Variants in TMEM25 observed in about 807,000 individuals in gnomAD.
TMEM25 encodes 0610039J01Rik.
Under a neutral mutation model 37.0 loss-of-function variants are expected in TMEM25, and 36 were observed. That is an observed-to-expected ratio of 0.97 (90% CI 0.75 to 1.28). TMEM25 has a LOEUF of 1.28. TMEM25 is among the 50% of genes most tolerant of loss of function. TMEM25 has a pLI of 0.00. For synonymous variants in TMEM25, 197 were observed against 203.7 expected (o/e 0.97, Z 0.28); for missense variants, 444 against 477.9 (o/e 0.93, Z 0.66).
chr11:118,544,005 C>T (rs1951618925), intron 8 of TMEM25, among the ~76,000 whole-genome samples: 1 of 151,884 alleles, frequency 6.6e-6, no homozygotes, highest in Non-Finnish European at 1.5e-5. Flanking sequence ...TGGGGTTTCA[C>T]CATATTATTG....
chr11:118,531,716 G>T (rs1439944750), intron 1 of TMEM25, 59 bp from the exon 2 acceptor site: 1 of 1,241,636 alleles, frequency 8.1e-7, no homozygotes, highest in Non-Finnish European at 1.1e-6. Flanking sequence ...TAAATTCCTG[G>T]AGCAATTGCT....
At chr11:118,542,729 A>G (rs140498127) in intron 8 of TMEM25, among the ~76,000 whole-genome samples, 2,005 of 152,028 alleles carry the variant, frequency 0.013, 50 homozygotes, top group African/African-American at 0.046. Flanking sequence ...CCTGGGCAAC[A>G]TGGTGAAACC....
At chr11:118,531,671 C>A in intron 1 of TMEM25, 104 bp from the exon 2 acceptor site, 1 of 929,774 alleles carries the variant, frequency 1.1e-6, no homozygotes, top group Non-Finnish European at 1.6e-6. Context: ...TCTACATTTG[C>A]GTTTCCGTAC....
chr11:118,538,153 T>C (rs1951534712), downstream of TMEM25, among the ~76,000 whole-genome samples: 1 of 152,168 alleles, frequency 6.6e-6, no homozygotes, highest in South Asian at 2.1e-4. Context: ...CTCATCCTCA[T>C]CAATATCTGT....
rs1951361718 is a variant in TMEM25, at chr11:118,532,964, G to T, written c.430G>T (p.Gly144Cys). ...CGGCGCCAAGTACCAGGAAGCTCAG[G>T]GCCCAGGCCTCCTGGTTGTCCTGTT... ...QVGAKYQEAQ[G>C]PGLLVVLFAL... Residue 144 changes from glycine to cysteine, a missense_variant, in exon 4 of 9, where the codon GGC (glycine) becomes TGC (cysteine). By Grantham distance (159) the Gly-to-Cys change is radical. Transcript: ENST00000313236. The T allele has an allele frequency of 6.2e-7, 1 of 1,614,198 alleles. No individual in the cohort carries two copies.
chr11:118,544,885 T>C (rs1397199530), intron 8 of TMEM25: 13 of 1,515,246 alleles, frequency 8.6e-6, no homozygotes, highest in Non-Finnish European at 1.2e-5. Flanking sequence ...AGGGGCCAGC[T>C]CAGCCTTGAA....
Position 118,534,970 on chromosome 11 carries a change from G to A in TMEM25, c.*390G>A. On this transcript the variant is annotated 3_prime_UTR_variant, in exon 9 of 9. Transcript: ENST00000313236. This position sits in a 1 kb window ranked among gnomAD's most constrained non-coding sequence, Gnocchi z 4.6. Reference sequence around the variant, plus strand: ...CAGCACCTTGTACAGTAGGCATGGGGGCGTGCCTGTGTGGGGGACAGGGAG... The same window carrying A: ...CAGCACCTTGTACAGTAGGCATGGGAGCGTGCCTGTGTGGGGGACAGGGAG... The A allele has an allele frequency of 9.4e-7, 1 of 1,061,976 alleles. No homozygotes were observed. The highest frequency in any genetic ancestry group is 1.1e-6 in the Non-Finnish European group (1 of 877,992). 65.8% of individuals were successfully genotyped at this position (1,061,976 alleles called of 1,614,324 possible). A position where few individuals can be genotyped will look rare whatever the true frequency, so the allele number is the denominator to read the frequency against.
chr11:118,531,598 C>T, intron 1 of TMEM25, 177 bp from the exon 2 acceptor site: 2 of 587,248 alleles, frequency 3.4e-6, no homozygotes, highest in South Asian at 2.2e-5. Context: ...CATGTGTCTG[C>T]TGGGTGGGTC....
In TMEM25 at chr11:118,535,039, T is replaced by G; in HGVS notation, c.*459T>G. The G allele has an allele frequency of 9.7e-7, 1 of 1,026,750 alleles. No individual in the cohort carries two copies. The highest frequency in any genetic ancestry group is 1.2e-6 in the Non-Finnish European group (1 of 855,702). 63.6% of individuals were successfully genotyped at this position (1,026,750 alleles called of 1,614,324 possible). A position where few individuals can be genotyped will look rare whatever the true frequency, so the allele number is the denominator to read the frequency against. On this transcript the variant is annotated 3_prime_UTR_variant, in exon 9 of 9. Coordinates refer to ENST00000313236, the MANE Select transcript of TMEM25 (RefSeq NM_032780.4). ...CTCCTTCCTATGCTATGTAGCCTTG[T>G]TCCCTCAGGTAAAATTTAGGACCCT...
At chr11:118,545,226 C>T (rs782774909) in intron 8 of TMEM25, among the ~76,000 whole-genome samples, 2 of 151,356 alleles carry the variant, frequency 1.3e-5, no homozygotes, top group Non-Finnish European at 2.9e-5. Context: ...CTTTTTTTTC[C>T]TCCACTTTCC....
intron 8 of TMEM25, chr11:118,546,104 C>T (rs781967999): frequency 4.2e-6 from 3 of 718,486 alleles, no homozygotes; most frequent in South Asian, 1.5e-5. Flanking sequence ...TCCAGTATGA[C>T]TGGTGTCCTT....
At chr11:118,531,984 T>TG in intron 2 of TMEM25, 113 bp downstream of exon 2, 1 of 1,404,650 alleles carries the variant, frequency 7.1e-7, no homozygotes, top group African/African-American at 1.4e-5. Flanking sequence ...CTGGAGTCCC[T>TG]GTCCCCTTCA....
chr11:118,540,512 C>T (rs1254480108), downstream of TMEM25, among the ~76,000 whole-genome samples: 1 of 152,190 alleles, frequency 6.6e-6, no homozygotes, highest in Non-Finnish European at 1.5e-5. Flanking sequence ...CTTTGATAGC[C>T]CCTTGGCAAG....
rs1218880152 is a variant in TMEM25, at chr11:118,534,870, T to C, written c.*290T>C. On this transcript the variant is annotated 3_prime_UTR_variant, in exon 9 of 9. Transcript: ENST00000313236. This position sits in a 1 kb window ranked among gnomAD's most constrained non-coding sequence, Gnocchi z 4.6. ...CTGGGCCCTTCCAGAGGGAGCTCTT[T>C]GGCCAGGGGTGTTCAGATGTCATCC... The C allele has an allele frequency of 7.8e-7, 1 of 1,286,186 alleles. No homozygotes were observed. The highest frequency in any genetic ancestry group is 3.1e-4 in the Middle Eastern group (1 of 3,230). 79.7% of individuals were successfully genotyped at this position (1,286,186 alleles called of 1,614,324 possible). A position where few individuals can be genotyped will look rare whatever the true frequency, so the allele number is the denominator to read the frequency against.
chr11:118,543,968 G>A (rs1445191508), intron 8 of TMEM25, among the ~76,000 whole-genome samples: 2 of 151,922 alleles, frequency 1.3e-5, no homozygotes, highest in African/African-American at 2.4e-5. Flanking sequence ...CAAAACACCC[G>A]GCTAACTTTT....
rs1951357536 is a variant in TMEM25, at chr11:118,532,902, T to C, written c.383-15T>C. On this transcript the variant is annotated splice_polypyrimidine_tract_variant and intron_variant, in intron 3 of 8. Transcript: ENST00000313236. ...GGGCTGTGGTGAGAGCATATTGGCC[T>C]CTGCTTTGTACCAGTCAAGCCAGAG... 6.2e-7 allele frequency: 1 copy of C among 1,605,064 alleles called. No homozygotes were observed. The highest frequency in any genetic ancestry group is 8.5e-7 in the Non-Finnish European group (1 of 1,174,328).
chr11:118,531,609 T>C (rs1049018440), intron 1 of TMEM25, 166 bp from the exon 2 acceptor site: 2 of 602,242 alleles, frequency 3.3e-6, no homozygotes, highest in Non-Finnish European at 5.9e-6. Context: ...TGGGTGGGTC[T>C]GTGCCTTTGG....
chr11:118,544,675 A>G lies in TMEM25; in HGVS notation c.1028-1444A>G, dbSNP rs549745827. On this transcript the variant is annotated intron_variant, in intron 8 of 8. Coordinates refer to the TMEM25 transcript ENST00000354284. ...TGGGATCTCAGAAATTCCAATTCTT[A>G]TAACTCAAATCCCCACAGTGGTGTA... is the stretch of plus-strand genomic sequence containing the variant. 4.6e-5 allele frequency: 20 copies of G among 437,370 alleles called. No individual in the cohort carries two copies. In the Admixed American group the frequency reaches 6.3e-4, roughly 14 times the overall value. The allele number at this position is 437,370 out of a possible 1,614,324, so 27.1% of individuals were successfully genotyped here.
Position 118,534,403 on chromosome 11 carries a change from G to A in TMEM25, c.1027+48G>A. 1.2e-6 allele frequency: 2 copies of A among 1,611,176 alleles called. No homozygotes were observed. Among genetic ancestry groups the A allele is most frequent in the Non-Finnish European group, 1.7e-6 (2 of 1,178,732 alleles). ...CCCTCCTCCTCTGCCCCCCAGCCCT[G>A]TGCTTATGCCAGAGGCCTCCAAGTG... On this transcript the variant is annotated intron_variant, in intron 8 of 8. Coordinates refer to ENST00000313236, the MANE Select transcript of TMEM25 (RefSeq NM_032780.4). This position sits in a 1 kb window ranked among gnomAD's most constrained non-coding sequence, Gnocchi z 4.6.
Sources: allele counts gnomAD v4.1 joint callset (sites outside exome capture counted in the v4.1 genomes callset), GRCh38; gene constraint gnomAD v4.1.1; non-coding constraint Gnocchi (gnomAD v3.1); transcripts MANE v1.5; gene names NCBI Gene and HGNC (gene_info 2026-07-23, HGNC 2026-07-21).